The following MYO18B variants were observed in gnomAD, a reference collection of about 807,000 sequenced individuals.
MYO18B encodes the protein myosin XVIIIB, also known as unconventional myosin-XVIIIb.
Under a neutral mutation model 273.0 loss-of-function variants are expected in MYO18B, and 204 were observed. The observed-to-expected ratio is 0.75, with a 90% CI of 0.67 to 0.84. MYO18B has a LOEUF of 0.84. Among genes scored for constraint, MYO18B ranks in the 40% least tolerant of loss-of-function variants. The probability of loss-of-function intolerance (pLI) is 0.00; values close to 1 mark genes in which losing one functional copy is unlikely to be tolerated. For synonymous variants in MYO18B, 1,330 were observed against 1,305.7 expected (o/e 1.02, Z -0.40); for missense variants, 3,212 against 3,287.6 (o/e 0.98, Z 0.56).
intron 2 of MYO18B, chr22:25,762,923 C>T (rs2086373459): frequency 5.7e-6 from 3 of 522,182 alleles, no homozygotes; most frequent in Admixed American, 2.1e-5. Context: ...TGTCCCATGG[C>T]AAGGAAGGGA....
chr22:26,002,755 A>G (rs16986623), intron 40 of MYO18B, among the ~76,000 whole-genome samples: 3,929 of 151,944 alleles, frequency 0.026, 180 homozygotes, highest in African/African-American at 0.091. Flanking sequence ...GGGTAGGTAG[A>G]TGAGATTGTG....
At chr22:25,747,059 T>G (rs2085800494) in intron 1 of MYO18B, among the ~76,000 whole-genome samples, 1 of 152,086 alleles carries the variant, frequency 6.6e-6, no homozygotes, top group South Asian at 2.1e-4. Context: ...GAGGTGGACC[T>G]TGCAGTGAGC....
rs1253308367 is a variant in MYO18B at position 25,903,834 on chromosome 22, A to G, written c.5148+3A>G. 8.2e-6 allele frequency: 13 copies of G among 1,593,152 alleles called. No homozygotes were observed. Among genetic ancestry groups the G allele is most frequent in the Non-Finnish European group, 1.0e-5 (12 of 1,170,308 alleles). On this transcript the variant is annotated splice_donor_region_variant and intron_variant, in intron 31 of 43. Coordinates refer to ENST00000335473, the MANE Select transcript of MYO18B (RefSeq NM_032608.7). ...ACACCATCAAGCAGCTGGAGCAGGT[A>G]GGAAAGCCCTGTCTCAGGGCAACAC...
chr22:25,882,973 T>A (rs2091387380), intron 25 of MYO18B, among the ~76,000 whole-genome samples: 1 of 152,184 alleles, frequency 6.6e-6, no homozygotes, highest in Non-Finnish European at 1.5e-5. Context: ...CACAGCTCAC[T>A]GCAGCCTCAA....
At chr22:25,802,428 C>T (rs1460894279) in intron 12 of MYO18B, among the ~76,000 whole-genome samples, 1 of 152,110 alleles carries the variant, frequency 6.6e-6, no homozygotes, top group African/African-American at 2.4e-5. Context: ...AACTCAATCT[C>T]CAGCTCTTCT....
Position 25,831,569 on chromosome 22 carries a change from G to A in MYO18B, c.2980-1348G>A, listed in dbSNP as rs1290004262. ...GGCTAATTTTTGTATTTTTAGTAGCGATGGGGTTTCACCATGTTAGCCAGC... is the reference window on the plus strand; with the variant it reads ...GGCTAATTTTTGTATTTTTAGTAGCAATGGGGTTTCACCATGTTAGCCAGC... On this transcript the variant is annotated intron_variant, in intron 15 of 43. Coordinates refer to ENST00000335473, the MANE Select transcript of MYO18B (RefSeq NM_032608.7). Among the ~76,000 whole-genome samples, 3 of 152,210 alleles carry A rather than the reference G, an allele frequency of 2.0e-5. 1 individual carries two copies. In the South Asian group the frequency reaches 6.2e-4, roughly 32 times the overall value.
chr22:25,804,397 G>A (rs1415635479), intron 12 of MYO18B, among the ~76,000 whole-genome samples: 1 of 152,214 alleles, frequency 6.6e-6, no homozygotes, highest in Non-Finnish European at 1.5e-5. Flanking sequence ...TAGATCACCG[G>A]ACCTGAGGAA....
At chr22:25,796,749 T>C (rs1208830436) in intron 11 of MYO18B, among the ~76,000 whole-genome samples, 2 of 152,256 alleles carry the variant, frequency 1.3e-5, no homozygotes, top group Non-Finnish European at 2.9e-5. Flanking sequence ...CTGTAGGATC[T>C]TGATTGATTA....
chr22:25,852,063 C>T (rs1206406051), intron 21 of MYO18B, among the ~76,000 whole-genome samples: 2 of 152,186 alleles, frequency 1.3e-5, no homozygotes, highest in African/African-American at 2.4e-5. Flanking sequence ...AAAGTGTGTT[C>T]CATTCAGCAC....
downstream of MYO18B, among the ~76,000 whole-genome samples, chr22:26,032,814 G>T (rs1317894645): frequency 6.6e-6 from 1 of 151,978 alleles, no homozygotes; most frequent in Non-Finnish European, 1.5e-5. Flanking sequence ...CCCTTTTAAA[G>T]GTCCCGTCTC....
intron 31 of MYO18B, among the ~76,000 whole-genome samples, chr22:25,904,664 A>T (rs779945731): frequency 1.3e-5 from 2 of 152,160 alleles, no homozygotes; most frequent in Non-Finnish European, 2.9e-5. Context: ...TGAATACTTT[A>T]TTTGTCTGCT....
At chr22:25,924,033 A>G (rs887765605) in intron 34 of MYO18B, among the ~76,000 whole-genome samples, 8 of 152,166 alleles carry the variant, frequency 5.3e-5, no homozygotes, top group African/African-American at 1.7e-4. Context: ...GCTCCTATCA[A>G]AGGAAATCCA....
At chr22:25,992,558 G>A in intron 40 of MYO18B, 65 bp downstream of exon 40, 2 of 1,600,746 alleles carry the variant, frequency 1.2e-6, no homozygotes, top group Non-Finnish European at 1.7e-6. Context: ...GGAGCTCTAT[G>A]CCCTTTAGCC....
rs541016277 is a variant in MYO18B at position 25,941,754 on chromosome 22, G to A, written c.5518-4383G>A. On this transcript the variant is annotated intron_variant, in intron 34 of 43. Transcript: ENST00000335473. ...GGGGCCTGCCCCGTGGAGGTCTTGG[G>A]CTGGGAAATGCCTGGTCTGGTCTAT... Among the ~76,000 whole-genome samples, 9 of 152,344 alleles carry A rather than the reference G, an allele frequency of 5.9e-5. No homozygotes were observed. In the South Asian group the frequency reaches 1.7e-3, roughly 28 times the overall value.
At chr22:25,927,252 C>G (rs1374476063) in intron 34 of MYO18B, among the ~76,000 whole-genome samples, 2 of 152,204 alleles carry the variant, frequency 1.3e-5, no homozygotes, top group Non-Finnish European at 2.9e-5. Context: ...CCATATTTCT[C>G]TTCTTTCAAA....
the MYO18B span, among the ~76,000 whole-genome samples, chr22:26,044,529 G>T: frequency 6.6e-6 from 1 of 152,226 alleles, no homozygotes; most frequent in Non-Finnish European, 1.5e-5. Context: ...TTAACGTGGA[G>T]TGTCTTATTT....
At chr22:26,052,452 T>C in the MYO18B span, among the ~76,000 whole-genome samples, 1 of 152,202 alleles carries the variant, frequency 6.6e-6, no homozygotes, top group African/African-American at 2.4e-5. Flanking sequence ...CTGGGATTAA[T>C]GGATGTATAT....
At position 25,921,356 on chromosome 22, in the gene MYO18B, G is replaced by C. The variant is rs760349465; in HGVS notation, c.5464G>C (p.Glu1822Gln). The change falls in exon 34 of 44, where the codon GAG becomes CAG. Residue 1822 changes from glutamate (E) to glutamine (Q), a missense_variant. By Grantham distance (29) the Glu-to-Gln change is conservative. Transcript: ENST00000335473. Reference protein sequence around the residue: ...SDVQLLLGTMEDGKTSVSKEE... With the variant: ...SDVQLLLGTMQDGKTSVSKEE... Reference sequence around the variant, plus strand: ...CGTGCAGCTCCTTCTGGGCACCATGGAGGATGGCAAGACATCAGTCAGCAA... The same window carrying C: ...CGTGCAGCTCCTTCTGGGCACCATGCAGGATGGCAAGACATCAGTCAGCAA... 14 of 1,595,508 alleles carry C rather than the reference G, an allele frequency of 8.8e-6. No individual in the cohort carries two copies. The highest frequency in any genetic ancestry group is 1.2e-5 in the Non-Finnish European group (14 of 1,171,084).
At position 25,923,417 on chromosome 22, in the gene MYO18B, A is replaced by G. The variant is rs1027779613; in HGVS notation, c.5517+2008A>G. 3.3e-5 allele frequency among the ~76,000 whole-genome samples: 5 copies of G among 152,280 alleles called. No individual in the cohort carries two copies. The East Asian group carries it at 5.8e-4, about 18-fold the overall frequency. On this transcript the variant is annotated intron_variant, in intron 34 of 43. Coordinates refer to ENST00000335473, the MANE Select transcript of MYO18B (RefSeq NM_032608.7). ...GCCAGTATCACCTGTGCTTGAACGC[A>G]TTGCCCTGCTTAATCCTCATGATAC...
Sources: allele counts gnomAD v4.1 joint callset (sites outside exome capture counted in the v4.1 genomes callset), GRCh38; gene constraint gnomAD v4.1.1; transcripts MANE v1.5; gene names NCBI Gene and HGNC (gene_info 2026-07-23, HGNC 2026-07-21).